The following GRIN2B variants were observed in gnomAD, a reference collection of about 807,000 sequenced individuals.
GRIN2B encodes the protein glutamate ionotropic receptor NMDA type subunit 2B.
A neutral mutation model predicts 114.5 loss-of-function variants in GRIN2B; 5 were observed. The ratio of observed to expected loss-of-function variants is 0.04; its 90% CI spans 0.02 to 0.09. GRIN2B has a LOEUF of 0.09. Among genes scored for constraint, GRIN2B ranks in the 10% least tolerant of loss-of-function variants. GRIN2B has a pLI of 1.00. For synonymous variants in GRIN2B, 787 were observed against 745.1 expected (o/e 1.06, Z -0.92); for missense variants, 1,108 against 1,943.5 (o/e 0.57, Z 8.08).
intron 10 of GRIN2B, among the ~76,000 whole-genome samples, chr12:13,583,267 C>T (rs180672732): frequency 1.5e-3 from 222 of 152,290 alleles, no homozygotes; most frequent in Middle Eastern, 6.8e-3. Flanking sequence ...ATAATTCCAG[C>T]AGCAGCTAAT....
chr12:13,641,509 T>C (rs1261951175), intron 5 of GRIN2B, among the ~76,000 whole-genome samples: 2 of 152,216 alleles, frequency 1.3e-5, no homozygotes, highest in Admixed American at 6.5e-5. Context: ...CTTGTCTTTA[T>C]TGAACTTCAT....
chr12:13,710,020 C>A (rs1034115434), intron 4 of GRIN2B, among the ~76,000 whole-genome samples: 1 of 151,826 alleles, frequency 6.6e-6, no homozygotes, highest in Non-Finnish European at 1.5e-5. Flanking sequence ...CTAGAAACAG[C>A]CCAAATGTTC....
intron 3 of GRIN2B, among the ~76,000 whole-genome samples, chr12:13,815,247 G>A (rs775406924): frequency 5.9e-5 from 9 of 152,072 alleles, no homozygotes; most frequent in Non-Finnish European, 1.2e-4. Context: ...AGACATTTGC[G>A]CAATACTCAG....
chr12:13,791,968 C>A (rs1391946188), intron 3 of GRIN2B, among the ~76,000 whole-genome samples: 1 of 152,242 alleles, frequency 6.6e-6, no homozygotes, highest in Admixed American at 6.5e-5. Flanking sequence ...CTCTCCCCTA[C>A]CCTTCCCGGC....
intron 10 of GRIN2B, among the ~76,000 whole-genome samples, chr12:13,585,554 G>A (rs1456449299): frequency 2.6e-5 from 4 of 152,164 alleles, no homozygotes; most frequent in Admixed American, 6.5e-5. Context: ...CATGCCCCTC[G>A]GGGTTCACAA....
chr12:13,615,610 A>G lies in GRIN2B; in HGVS notation c.1383T>C (p.Cys461=). 6.2e-7 allele frequency: 1 copy of G among 1,612,644 alleles called. No homozygotes were observed. The highest frequency in any genetic ancestry group is 8.5e-7 in the Non-Finnish European group (1 of 1,178,628). The stretch of plus-strand genomic sequence containing the variant: ...TAGAAATTTTCTTAAGGATGTCAAT[A>G]CAGAACCCCTTGCAGCATTTTTTGA... ...GYIKKCCKGF[C]IDILKKISKS... Residue 461 remains cysteine (C), a synonymous_variant, in exon 7 of 14, where the codon TGT becomes TGC. Transcript: ENST00000609686. The surrounding 1 kb of genome is among the most constrained non-coding windows in gnomAD (Gnocchi z 5.8).
At chr12:13,577,023 G>T (rs1231240650) in intron 10 of GRIN2B, among the ~76,000 whole-genome samples, 2 of 152,182 alleles carry the variant, frequency 1.3e-5, no homozygotes, top group African/African-American at 4.8e-5. Context: ...AAGAGATCAA[G>T]TCGTTCCAGT....
intron 2 of GRIN2B, among the ~76,000 whole-genome samples, chr12:13,964,458 A>C (rs1170745606): frequency 1.3e-5 from 2 of 152,204 alleles, no homozygotes; most frequent in African/African-American, 4.8e-5. Flanking sequence ...TTGAAAGACA[A>C]AAAAGTCAGG....
chr12:13,839,579 T>G (rs377050083), intron 3 of GRIN2B, among the ~76,000 whole-genome samples: 76 of 152,342 alleles, frequency 5.0e-4, no homozygotes, highest in African/African-American at 1.7e-3. Context: ...CATTATTTTA[T>G]GGACAAAGCA....
intron 2 of GRIN2B, among the ~76,000 whole-genome samples, chr12:13,908,598 T>C (rs943090816): frequency 6.6e-6 from 1 of 152,210 alleles, no homozygotes; most frequent in African/African-American, 2.4e-5. Context: ...TTCTTCCTTA[T>C]AATGAGTTGA....
intron 2 of GRIN2B, among the ~76,000 whole-genome samples, chr12:13,899,132 C>G (rs1866402534): frequency 6.6e-6 from 1 of 152,106 alleles, no homozygotes; most frequent in African/African-American, 2.4e-5. Context: ...CTGTCTTACA[C>G]AACTCAAAAT....
intron 2 of GRIN2B, among the ~76,000 whole-genome samples, chr12:13,924,833 A>C (rs1449390195): frequency 1.3e-5 from 2 of 152,012 alleles, no homozygotes; most frequent in Non-Finnish European, 2.9e-5. Flanking sequence ...ATCCTCTCTA[A>C]ATGGTAATCT....
intron 2 of GRIN2B, among the ~76,000 whole-genome samples, chr12:13,950,138 C>T (rs11055694): frequency 0.058 from 8,777 of 152,194 alleles, 929 homozygotes; most frequent in East Asian, 0.41. Context: ...GTTTTATACG[C>T]AGAGGGAAAA....
Position 13,796,216 on chromosome 12 carries a change from G to C in GRIN2B, c.412-42301C>G, listed in dbSNP as rs116301058. On this transcript the variant is annotated intron_variant, in intron 3 of 13. Coordinates refer to ENST00000609686, the MANE Select transcript of GRIN2B (RefSeq NM_000834.5). ...AACGAAAATGTAGAAGGTTTTTGGA[G>C]AACACCACACATTTTTAATGTTGTA... Among the ~76,000 whole-genome samples, 1,056 of 152,170 alleles carry C rather than the reference G, an allele frequency of 6.9e-3. 23 individuals carry two copies. Among genetic ancestry groups the C allele is most frequent in the African/African-American group, 0.025 (1,027 of 41,530 alleles).
chr12:13,935,885 C>G (rs1438390467), intron 2 of GRIN2B, among the ~76,000 whole-genome samples: 1 of 152,112 alleles, frequency 6.6e-6, no homozygotes, highest in African/African-American at 2.4e-5. Flanking sequence ...CGGCATAAGA[C>G]TTTGTTTCCT....
intron 5 of GRIN2B, among the ~76,000 whole-genome samples, chr12:13,636,834 T>C (rs985547952): frequency 3.0e-4 from 45 of 152,184 alleles, no homozygotes; most frequent in African/African-American, 1.1e-3. Context: ...CTTCATCCTC[T>C]GTTAAATGGA....
At chr12:13,875,093 C>A (rs1405758570) in intron 2 of GRIN2B, among the ~76,000 whole-genome samples, 1 of 152,106 alleles carries the variant, frequency 6.6e-6, no homozygotes, top group African/African-American at 2.4e-5. Flanking sequence ...ACCCCACAGG[C>A]CCCAGTGTGT....
At chr12:13,591,387 G>T (rs1382567164) in intron 10 of GRIN2B, among the ~76,000 whole-genome samples, 1 of 152,190 alleles carries the variant, frequency 6.6e-6, no homozygotes, top group Admixed American at 6.5e-5. Context: ...ATTTATTGAG[G>T]ATTTAGCATG....
chr12:13,757,042 G>T (rs1863588264), intron 3 of GRIN2B, among the ~76,000 whole-genome samples: 1 of 152,154 alleles, frequency 6.6e-6, no homozygotes, highest in African/African-American at 2.4e-5. Flanking sequence ...GTACCTTCTA[G>T]TTCTACTGTC....
Sources: gnomAD v4.1 joint callset for allele counts (sites outside exome capture counted in the v4.1 genomes callset) on GRCh38, gnomAD v4.1.1 for gene constraint, Gnocchi (gnomAD v3.1) non-coding constraint, MANE v1.5 for transcripts, NCBI Gene and HGNC (gene_info 2026-07-23, HGNC 2026-07-21) for gene names.